COX7B2: variants seen among roughly 807,000 people sequenced by gnomAD.
The protein encoded by COX7B2 is cytochrome c oxidase subunit 7B2, also known as cytochrome c oxidase subunit 7B2, mitochondrial.
For missense variants in COX7B2, 109 were observed against 95.9 expected (o/e 1.14, Z -0.57); for synonymous variants, 37 against 32.1 (o/e 1.15, Z -0.51).
At chr4:46,825,132 C>G (rs1465944371) in intron 2 of COX7B2, among the ~76,000 whole-genome samples, 1 of 151,952 alleles carries the variant, frequency 6.6e-6, no homozygotes, top group Non-Finnish European at 1.5e-5. Flanking sequence ...TCTAAAAACC[C>G]CCCAGTCTTG....
At chr4:46,908,045 G>T (rs756684596) in intron 1 of COX7B2, among the ~76,000 whole-genome samples, 1 of 151,580 alleles carries the variant, frequency 6.6e-6, no homozygotes, top group African/African-American at 2.4e-5. Context: ...GTAGAGATGC[G>T]TTTCACCCTG....
At chr4:46,858,447 G>C (rs914965063) in intron 1 of COX7B2, among the ~76,000 whole-genome samples, 1 of 151,798 alleles carries the variant, frequency 6.6e-6, no homozygotes, top group Non-Finnish European at 1.5e-5. Context: ...TAGCATGTTG[G>C]TTTCAGGCCG....
chr4:46,780,344 C>T (rs991461102), intron 2 of COX7B2, among the ~76,000 whole-genome samples: 2 of 151,984 alleles, frequency 1.3e-5, no homozygotes, highest in African/African-American at 2.4e-5. Context: ...GGTAAAAACC[C>T]GTCTCTACTA....
chr4:46,807,699 G>C (rs1719074892), intron 2 of COX7B2, among the ~76,000 whole-genome samples: 1 of 151,716 alleles, frequency 6.6e-6, no homozygotes, highest in Non-Finnish European at 1.5e-5. Context: ...TATGGTATAA[G>C]GGCCTACTTC....
chr4:46,803,855 G>A (rs969025255), intron 2 of COX7B2, among the ~76,000 whole-genome samples: 1 of 150,806 alleles, frequency 6.6e-6, no homozygotes, highest in African/African-American at 2.4e-5. Flanking sequence ...AAGCTTTCTA[G>A]AGCAATCTTC....
chr4:46,841,104 C>T (rs1490287264), intron 2 of COX7B2, among the ~76,000 whole-genome samples: 2 of 151,774 alleles, frequency 1.3e-5, no homozygotes, highest in African/African-American at 2.4e-5. Flanking sequence ...TAAGCAAGAA[C>T]CAGAAGATGG....
chr4:46,867,511 C>A (rs934787011), intron 1 of COX7B2, among the ~76,000 whole-genome samples: 2 of 152,194 alleles, frequency 1.3e-5, no homozygotes, highest in Non-Finnish European at 2.9e-5. Flanking sequence ...TAAATAACCA[C>A]TCCTTTCTCT....
chr4:46,889,497 A>G (rs1273256928), intron 1 of COX7B2, among the ~76,000 whole-genome samples: 2 of 152,240 alleles, frequency 1.3e-5, no homozygotes, highest in Non-Finnish European at 2.9e-5. Flanking sequence ...GGCTTGTCTA[A>G]GCAGAAATAA....
intron 1 of COX7B2, among the ~76,000 whole-genome samples, chr4:46,849,332 T>C (rs1260623499): frequency 1.3e-5 from 2 of 152,118 alleles, no homozygotes; most frequent in Non-Finnish European, 2.9e-5. Context: ...TCTGACATTG[T>C]GAAACACAGA....
chr4:46,736,655 T>C (rs959326730), intron 2 of COX7B2, among the ~76,000 whole-genome samples: 1 of 152,174 alleles, frequency 6.6e-6, no homozygotes, highest in Non-Finnish European at 1.5e-5. Context: ...CACTGATCTT[T>C]TTACTGTCTC....
intron 2 of COX7B2, among the ~76,000 whole-genome samples, chr4:46,784,018 T>C (rs967587874): frequency 6.6e-6 from 1 of 152,194 alleles, no homozygotes; most frequent in Non-Finnish European, 1.5e-5. Context: ...TGTCTGTGTA[T>C]ATCTCATCAA....
At chr4:46,762,152 C>T (rs1479165509) in intron 2 of COX7B2, among the ~76,000 whole-genome samples, 1 of 89,288 alleles carries the variant, frequency 1.1e-5, no homozygotes, top group Non-Finnish European at 2.5e-5. Flanking sequence ...AAGATAATAA[C>T]ACCTATTGTA....
chr4:46,892,024 C>T (rs188882359), intron 1 of COX7B2, among the ~76,000 whole-genome samples: 506 of 152,238 alleles, frequency 3.3e-3, no homozygotes, highest in African/African-American at 0.011. Flanking sequence ...GAGAGACCAT[C>T]CTAAGGACTC....
chr4:46,878,115 C>T (rs918186132), intron 1 of COX7B2, among the ~76,000 whole-genome samples: 4 of 151,604 alleles, frequency 2.6e-5, no homozygotes, highest in African/African-American at 7.3e-5. Flanking sequence ...TCCTGGAGGA[C>T]GTTATGCTAA....
At chr4:46,777,268 T>C (rs1717203797) in intron 2 of COX7B2, among the ~76,000 whole-genome samples, 1 of 151,902 alleles carries the variant, frequency 6.6e-6, no homozygotes, top group Admixed American at 6.6e-5. Flanking sequence ...TTTTAAAAAA[T>C]AAATGGAAGA....
intron 1 of COX7B2, among the ~76,000 whole-genome samples, chr4:46,884,850 T>C (rs1718977456): frequency 6.6e-6 from 1 of 152,088 alleles, no homozygotes; most frequent in South Asian, 2.1e-4. Flanking sequence ...ATGTATTGAA[T>C]ATTGGCTTCA....
chr4:46,824,913 A>T (rs749255254), intron 2 of COX7B2, among the ~76,000 whole-genome samples: 1 of 152,146 alleles, frequency 6.6e-6, no homozygotes, highest in Admixed American at 6.6e-5. Flanking sequence ...TGACAAACCC[A>T]CAACCAACGT....
At chr4:46,888,029 T>G (rs6856047) in intron 1 of COX7B2, among the ~76,000 whole-genome samples, 15,817 of 152,194 alleles carry the variant, frequency 0.1, 976 homozygotes, top group South Asian at 0.24. Context: ...GACACCACTC[T>G]TAATGACTCA....
intron 2 of COX7B2, among the ~76,000 whole-genome samples, chr4:46,764,315 C>T (rs1316005161): frequency 1.3e-5 from 2 of 151,832 alleles, no homozygotes; most frequent in Non-Finnish European, 2.9e-5. Context: ...GAGGCTGAGG[C>T]GGGTGGATCA....
Sources: allele counts gnomAD v4.1 joint callset (sites outside exome capture counted in the v4.1 genomes callset), GRCh38; gene constraint gnomAD v4.1.1; transcripts MANE v1.5; gene names NCBI Gene and HGNC (gene_info 2026-07-23, HGNC 2026-07-21).